Variants in ANKRD11 observed in about 807,000 individuals in gnomAD.
ANKRD11 encodes ankyrin repeat domain-containing protein 11.
In ANKRD11, 17 loss-of-function variants were observed where a neutral mutation model predicts 195.7. The ratio of observed to expected loss-of-function variants is 0.09; its 90% CI spans 0.06 to 0.13. ANKRD11 has a LOEUF of 0.13. Among genes scored for constraint, ANKRD11 ranks in the 10% least tolerant of loss-of-function variants. The probability of loss-of-function intolerance (pLI) is 1.00; values close to 1 mark genes in which losing one functional copy is unlikely to be tolerated. For missense variants in ANKRD11, 3,735 were observed against 3,566.1 expected (o/e 1.05, Z -1.21); for synonymous variants, 1,953 against 1,528.1 (o/e 1.28, Z -6.49).
At chr16:89,487,009 A>C (rs1246424540) in intron 1 of ANKRD11, among the ~76,000 whole-genome samples, 2 of 40,678 alleles carry the variant, frequency 4.9e-5, no homozygotes, top group African/African-American at 1.2e-4. Context: ...ACTCCGTCTC[A>C]AAAAAAAAAA....
In ANKRD11 at chr16:89,335,710, C is replaced by T. The variant is rs576696969; in HGVS notation, c.-59-18632G>A. Among the ~76,000 whole-genome samples, 5 of 152,354 alleles carry T rather than the reference C, an allele frequency of 3.3e-5. No homozygotes were observed. The East Asian group carries it at 7.7e-4, about 23-fold the overall frequency. On this transcript the variant is annotated intron_variant, in intron 2 of 12. Transcript: ENST00000301030. ...GACACAGCACATGAGCGCCCAGGGG[C>T]CTGCAAACAGCAAGGACCAAGGCAT...
rs1015051828 is a variant in ANKRD11, at chr16:89,285,520, G to A, written c.1022C>T (p.Ala341Val). ...AKNPEPQKAT[A>V]PVKDEYEFDE... is the part of the protein sequence containing the mutation. ...AAACTCATACTCGTCCTTGACGGGG[G>A]CCGTGGCCTTCTGTGGCTCTGGGTT... Residue 341 changes from alanine (A) to valine (V), a missense_variant, in exon 9 of 13, where the codon GCC becomes GTC. Coordinates refer to ENST00000301030, the MANE Select transcript of ANKRD11 (RefSeq NM_013275.6). The surrounding 1 kb of genome is among the most constrained non-coding windows in gnomAD (Gnocchi z 5.6). 1.9e-6 allele frequency: 3 copies of A among 1,613,920 alleles called. No homozygotes were observed. The African/African-American group carries it at 4.0e-5, about 22-fold the overall frequency.
At chr16:89,470,760 C>T (rs147463095) in intron 1 of ANKRD11, among the ~76,000 whole-genome samples, 2 of 42,330 alleles carry the variant, frequency 4.7e-5, no homozygotes, top group East Asian at 3.1e-3. Context: ...TAGTACCAGG[C>T]GGGTGGATCA....
At chr16:89,314,742 G>A (rs979257027) in intron 3 of ANKRD11, among the ~76,000 whole-genome samples, 9 of 152,154 alleles carry the variant, frequency 5.9e-5, no homozygotes, top group African/African-American at 1.7e-4. Context: ...CAGAGAACAG[G>A]AGTGACAGGT....
chr16:89,378,505 C>G (rs912948816), intron 2 of ANKRD11, among the ~76,000 whole-genome samples: 1 of 152,120 alleles, frequency 6.6e-6, no homozygotes, highest in Non-Finnish European at 1.5e-5. Flanking sequence ...ATAGCAAAAA[C>G]GTAGAGCTTT....
intron 2 of ANKRD11, among the ~76,000 whole-genome samples, chr16:89,407,977 T>C (rs567539012): frequency 1.3e-5 from 2 of 151,564 alleles, no homozygotes; most frequent in African/African-American, 4.8e-5. Context: ...AACAAACACA[T>C]CTATAGCGAA....
chr16:89,408,714 G>A (rs1289158228), intron 2 of ANKRD11, among the ~76,000 whole-genome samples: 1 of 152,064 alleles, frequency 6.6e-6, no homozygotes, highest in Non-Finnish European at 1.5e-5. Flanking sequence ...TGGCCTCAGA[G>A]TCCCCGGGAC....
intron 1 of ANKRD11, chr16:89,443,228 G>A (rs1376366264): frequency 6.6e-6 from 1 of 152,140 alleles, no homozygotes; most frequent in East Asian, 1.9e-4. Flanking sequence ...GGCCTCCAAA[G>A]TGCTGGGATT....
At chr16:89,335,859 G>A (rs967470135) in intron 2 of ANKRD11, among the ~76,000 whole-genome samples, 34 of 152,170 alleles carry the variant, frequency 2.2e-4, no homozygotes, top group African/African-American at 8.2e-4. Flanking sequence ...TGCTTCTAAA[G>A]GGCTAGGAGA....
chr16:89,366,421 T>A (rs1382552856), intron 2 of ANKRD11, among the ~76,000 whole-genome samples: 2 of 152,188 alleles, frequency 1.3e-5, no homozygotes, highest in Non-Finnish European at 2.9e-5. Context: ...TTCCACAGGG[T>A]TGAACTAATT....
At chr16:89,472,863 C>A (rs747409912) in intron 1 of ANKRD11, among the ~76,000 whole-genome samples, 1 of 152,108 alleles carries the variant, frequency 6.6e-6, no homozygotes, top group Non-Finnish European at 1.5e-5. Context: ...GCAGAAGTCA[C>A]AAGTGAAAAA....
rs1411950685 is a variant in ANKRD11, at chr16:89,324,541, G to C, written c.-59-7463C>G. 6 of 455,978 alleles carry C rather than the reference G, an allele frequency of 1.3e-5. No individual in the cohort carries two copies. The East Asian group carries it at 4.2e-4, about 32-fold the overall frequency. The allele number at this position is 455,978 out of a possible 1,614,324, so 28.2% of individuals were successfully genotyped here. On this transcript the variant is annotated intron_variant, in intron 2 of 12. Transcript: ENST00000301030. ...GCCAAAGGAGATTCACATTGAGTCA[G>C]TGGACGGGGAGAGGCCGACGAACCC... is the stretch of plus-strand genomic sequence containing the variant.
intron 3 of ANKRD11, chr16:89,313,250 C>T (rs564104881): frequency 1.6e-6 from 2 of 1,253,364 alleles, no homozygotes; most frequent in East Asian, 5.7e-5. Context: ...GGTGACTGTG[C>T]CATGGGGTGG....
At chr16:89,316,856 G>A (rs1567633512) in intron 3 of ANKRD11, 77 bp downstream of exon 3, 1 of 1,536,090 alleles carries the variant, frequency 6.5e-7, no homozygotes, top group Non-Finnish European at 8.9e-7. Context: ...ACAGGCCACA[G>A]GCGGGCAGCA....
chr16:89,377,861 A>G (rs2040488759), intron 2 of ANKRD11, among the ~76,000 whole-genome samples: 1 of 148,938 alleles, frequency 6.7e-6, no homozygotes, highest in Middle Eastern at 3.4e-3. Flanking sequence ...TACCTCTTCC[A>G]CCCCCGCCCC....
intron 1 of ANKRD11, among the ~76,000 whole-genome samples, chr16:89,453,713 G>A (rs1469317810): frequency 1.3e-5 from 2 of 152,200 alleles, no homozygotes. Context: ...ATGTGCTGAA[G>A]ACACAGCGGC....
At chr16:89,270,404 C>A (rs1314969857) in intron 12 of ANKRD11, 3 of 302,266 alleles carry the variant, frequency 9.9e-6, no homozygotes, top group Non-Finnish European at 2.0e-5. Flanking sequence ...GGTGAGCAGC[C>A]CTCGCGACCG....
intron 1 of ANKRD11, among the ~76,000 whole-genome samples, chr16:89,437,329 T>C (rs990375703): frequency 4.6e-5 from 7 of 152,202 alleles, no homozygotes; most frequent in Non-Finnish European, 7.3e-5. Context: ...AGTGAAAGAC[T>C]GTATTGTTTG....
At chr16:89,420,105 A>G (rs1364948515) in intron 1 of ANKRD11, 1 of 152,228 alleles carries the variant, frequency 6.6e-6, no homozygotes, top group African/African-American at 2.4e-5. Context: ...TCAATCAATA[A>G]AAATAAATGT....
Sources: gnomAD v4.1 joint callset for allele counts (sites outside exome capture counted in the v4.1 genomes callset) on GRCh38, gnomAD v4.1.1 for gene constraint, Gnocchi (gnomAD v3.1) non-coding constraint, MANE v1.5 for transcripts, NCBI Gene and HGNC (gene_info 2026-07-23, HGNC 2026-07-21) for gene names.